Variants in COL18A1 observed in about 807,000 individuals in gnomAD.
COL18A1 encodes collagen type XVIII alpha 1 chain, also known as collagen alpha-1(XVIII) chain.
A neutral mutation model predicts 168.0 loss-of-function variants in COL18A1; 133 were observed. The ratio of observed to expected loss-of-function variants is 0.79; its 90% CI spans 0.69 to 0.91. COL18A1 has a LOEUF of 0.91. COL18A1 is among the 40% of genes least tolerant of loss of function. The pLI is 0.00. For synonymous variants in COL18A1, 949 were observed against 809.0 expected (o/e 1.17, Z -2.94); for missense variants, 2,126 against 1,925.4 (o/e 1.10, Z -1.95).
intron 32 of COL18A1, 100 bp downstream of exon 32, chr21:45,497,761 T>G (rs974389557): frequency 6.7e-7 from 1 of 1,492,350 alleles, no homozygotes; most frequent in African/African-American, 1.4e-5. Flanking sequence ...TCCTGGACCC[T>G]CACTGGGTGG....
At chr21:45,494,437 G>T in intron 26 of COL18A1, 108 bp from the exon 27 acceptor site, 1 of 1,525,564 alleles carries the variant, frequency 6.6e-7, no homozygotes, top group South Asian at 1.1e-5. Flanking sequence ...CTATCAGGTG[G>T]GGCACAAGCC....
At chr21:45,451,251 C>G (rs1482767824) in intron 2 of COL18A1, among the ~76,000 whole-genome samples, 1 of 152,246 alleles carries the variant, frequency 6.6e-6, no homozygotes, top group African/African-American at 2.4e-5. Flanking sequence ...AGCCTAGCAA[C>G]AGAGGAGACC....
chr21:45,478,966 GA>G (rs1328445086), intron 9 of COL18A1, among the ~76,000 whole-genome samples: 1 of 152,164 alleles, frequency 6.6e-6, no homozygotes, highest in East Asian at 1.9e-4. Flanking sequence ...GGTCATTACC[GA>G]CCGCCTGGCA....
chr21:45,461,411 C>T (rs1288890772), intron 2 of COL18A1, among the ~76,000 whole-genome samples: 2 of 151,886 alleles, frequency 1.3e-5, no homozygotes, highest in East Asian at 3.9e-4. Flanking sequence ...CAGCTGTGCC[C>T]CATTGCACCC....
At chr21:45,466,902 C>T (rs1568890969) in intron 2 of COL18A1, among the ~76,000 whole-genome samples, 1 of 152,206 alleles carries the variant, frequency 6.6e-6, no homozygotes, top group Non-Finnish European at 1.5e-5. Context: ...GTTTCCTGAT[C>T]TTATCACAGC....
chr21:45,481,959 C>G lies in COL18A1; in HGVS notation c.1612-4C>G, dbSNP rs777977028. The G allele has an allele frequency of 6.2e-7, 1 of 1,610,236 alleles. No individual in the cohort carries two copies. Among genetic ancestry groups the G allele is most frequent in the Admixed American group, 1.7e-5 (1 of 59,992 alleles). ...AAGACCCACTATGCTCTGCTCTCCC[C>G]CAGGGACCCCCAGGCCCTCCGGGAA... On this transcript the variant is annotated splice_polypyrimidine_tract_variant and splice_region_variant and intron_variant, in intron 13 of 41. Transcript: ENST00000651438.
intron 2 of COL18A1, among the ~76,000 whole-genome samples, chr21:45,438,637 C>A (rs2034286027): frequency 6.6e-6 from 1 of 152,208 alleles, no homozygotes; most frequent in Non-Finnish European, 1.5e-5. Flanking sequence ...GCTGTAGAGG[C>A]TAAGACCCCA....
chr21:45,512,271 C>A lies in COL18A1; in HGVS notation c.3893C>A (p.Ala1298Asp). 6.2e-7 allele frequency: 1 copy of A among 1,611,794 alleles called. No individual in the cohort carries two copies. The highest frequency in any genetic ancestry group is 8.5e-7 in the Non-Finnish European group (1 of 1,179,572). The change falls in exon 42 of 42, where the codon GCT becomes GAT. Residue 1298 changes from alanine to aspartate, a missense_variant. By Grantham distance (126) the Ala-to-Asp change is moderately radical (BLOSUM62 -2). Coordinates refer to ENST00000651438, the MANE Select transcript of COL18A1 (RefSeq NM_001379500.1). ...TACTGTGAGACGTGGCGGACGGAGG[C>A]TCCCTCGGCCACGGGCCAGGCCTCC... ...ESYCETWRTE[A>D]PSATGQASSL...
At chr21:45,466,798 G>A (rs2035230210) in intron 2 of COL18A1, among the ~76,000 whole-genome samples, 1 of 152,212 alleles carries the variant, frequency 6.6e-6, no homozygotes, top group African/African-American at 2.4e-5. Flanking sequence ...CCCAATGACG[G>A]AATGTTCTAG....
At chr21:45,412,850 T>C (rs955021903) in intron 2 of COL18A1, among the ~76,000 whole-genome samples, 1 of 152,230 alleles carries the variant, frequency 6.6e-6, no homozygotes, top group South Asian at 2.1e-4. Context: ...GTGGCTAAAC[T>C]GTCAGGAAGC....
At chr21:45,483,915 C>G (rs1395693876) in intron 15 of COL18A1, among the ~76,000 whole-genome samples, 1 of 148,470 alleles carries the variant, frequency 6.7e-6, no homozygotes, top group Admixed American at 6.7e-5. Context: ...ACACACCTCT[C>G]CAGCATATGT....
intron 2 of COL18A1, among the ~76,000 whole-genome samples, chr21:45,454,921 A>C (rs1313145890): frequency 2.6e-5 from 4 of 152,218 alleles, no homozygotes; most frequent in African/African-American, 9.6e-5. Flanking sequence ...AGTCCAAGGC[A>C]GGTAAAGCCC....
Position 45,498,252 on chromosome 21 carries a change from A to C in COL18A1, c.2683+591A>C. The C allele has an allele frequency of 1.4e-6, 1 of 704,982 alleles. No individual in the cohort carries two copies. The allele number at this position is 704,982 out of a possible 1,614,324, so 43.7% of individuals were successfully genotyped here. On this transcript the variant is annotated intron_variant, in intron 32 of 41. Coordinates refer to ENST00000651438, the MANE Select transcript of COL18A1 (RefSeq NM_001379500.1). The surrounding 1 kb of genome is among the most constrained non-coding windows in gnomAD (Gnocchi z 4.5). ...GATGTCTGGGGGCTGGCAGAGCAGA[A>C]GCCCAGAGAGCCAGGCTAGCCTCGG...
intron 2 of COL18A1, among the ~76,000 whole-genome samples, chr21:45,406,282 C>G (rs919970854): frequency 6.6e-6 from 1 of 152,196 alleles, no homozygotes; most frequent in Non-Finnish European, 1.5e-5. Flanking sequence ...TGGAATCCCA[C>G]CCGGGGGTCC....
chr21:45,500,497 A>T (rs1568933874), intron 32 of COL18A1, among the ~76,000 whole-genome samples: 8 of 21,724 alleles, frequency 3.7e-4, no homozygotes, highest in East Asian at 2.5e-3. Flanking sequence ...TTGCGTGTGT[A>T]GTGTGGGGGT....
chr21:45,510,928 C>G (rs2037540137), intron 40 of COL18A1, among the ~76,000 whole-genome samples, 183 bp from the exon 41 acceptor site: 1 of 148,190 alleles, frequency 6.7e-6, no homozygotes. Flanking sequence ...AGAACCCCAC[C>G]CCCCAAAAAA....
intron 26 of COL18A1, 75 bp downstream of exon 26, chr21:45,493,650 C>T: frequency 8.8e-7 from 1 of 1,140,426 alleles, no homozygotes; most frequent in Non-Finnish European, 1.3e-6. Context: ...GGAGGGTCTT[C>T]CTGAGGGTCT....
intron 34 of COL18A1, 136 bp from the exon 35 acceptor site, chr21:45,504,998 C>T (rs1212868559): frequency 1.6e-5 from 18 of 1,101,192 alleles, no homozygotes; most frequent in South Asian, 8.1e-5. Flanking sequence ...CAGGCTATGG[C>T]GTGGGCAGGG....
At chr21:45,490,561 C>CCTCT (rs2036294086) in intron 20 of COL18A1, among the ~76,000 whole-genome samples, 1 of 79,302 alleles carries the variant, frequency 1.3e-5, no homozygotes, top group African/African-American at 5.3e-5. Context: ...CCTGGGTCTC[C>CCTCT]GTGTGCCCTC....
Sources: gnomAD v4.1 joint callset for allele counts (sites outside exome capture counted in the v4.1 genomes callset) on GRCh38, gnomAD v4.1.1 for gene constraint, Gnocchi (gnomAD v3.1) non-coding constraint, MANE v1.5 for transcripts, NCBI Gene and HGNC (gene_info 2026-07-23, HGNC 2026-07-21) for gene names.